Variants in ERC1 observed in about 807,000 individuals in gnomAD.
The protein encoded by ERC1 is RAB6 interacting protein 2.
A neutral mutation model predicts 132.0 loss-of-function variants in ERC1; 56 were observed. The observed-to-expected ratio is 0.42, with a 90% CI of 0.34 to 0.53. The LOEUF is 0.53. Ranked by LOEUF, ERC1 falls within the 20% of genes least tolerant of loss-of-function variation. ERC1 has a pLI of 0.03. For missense variants in ERC1, 1,202 were observed against 1,349.9 expected (o/e 0.89, Z 1.72); for synonymous variants, 478 against 476.1 (o/e 1.00, Z -0.05).
chr12:1,381,348 A>G (rs915108823), intron 16 of ERC1: 1 of 151,786 alleles, frequency 6.6e-6, no homozygotes, highest in East Asian at 1.9e-4. Flanking sequence ...TTATTTTTTT[A>G]TTTACTGATT....
chr12:1,424,479 TC>T (rs1488557040), intron 17 of ERC1, among the ~76,000 whole-genome samples: 1 of 152,178 alleles, frequency 6.6e-6, no homozygotes, highest in Non-Finnish European at 1.5e-5. Flanking sequence ...AGTGGTTTCT[TC>T]ATATCACGAT....
intron 14 of ERC1, among the ~76,000 whole-genome samples, chr12:1,277,650 A>G (rs762822803): frequency 6.6e-6 from 1 of 152,216 alleles, no homozygotes; most frequent in South Asian, 2.1e-4. Flanking sequence ...AGAACTATGT[A>G]GAATCATTCT....
chr12:1,353,123 C>T (rs935840935), intron 15 of ERC1, among the ~76,000 whole-genome samples: 5 of 150,944 alleles, frequency 3.3e-5, no homozygotes, highest in Non-Finnish European at 5.9e-5. Flanking sequence ...CTCCGCCTCC[C>T]GGGTTCACAC....
chr12:1,051,419 G>A (rs944331950), intron 2 of ERC1, among the ~76,000 whole-genome samples: 1 of 151,892 alleles, frequency 6.6e-6, no homozygotes, highest in Non-Finnish European at 1.5e-5. Flanking sequence ...GCTGGGCATG[G>A]TGGCTCATGC....
rs1565838777 is a variant in ERC1, at chr12:1,039,348, A to AAT, written c.669+10777_669+10778insTA. Among the ~76,000 whole-genome samples, 22 of 148,808 alleles carry AAT rather than the reference A, an allele frequency of 1.5e-4. 1 individual carries two copies. In the South Asian group the frequency reaches 4.4e-3, roughly 30 times the overall value. On this transcript the variant is annotated intron_variant, in intron 2 of 18. Transcript: ENST00000360905. ...GCGAGACGTTGTCTCAAAAAAAAAA[A>AAT]AAAATAAAAATAAATAAATAAATAA...
intron 16 of ERC1, among the ~76,000 whole-genome samples, chr12:1,382,299 G>T (rs1215122982): frequency 1.3e-5 from 2 of 152,196 alleles, no homozygotes; most frequent in African/African-American, 4.8e-5. Context: ...GGAGTGAGTG[G>T]TTTAAAGCCA....
At chr12:1,179,867 G>T (rs990241591) in intron 8 of ERC1, among the ~76,000 whole-genome samples, 1 of 152,074 alleles carries the variant, frequency 6.6e-6, no homozygotes, top group East Asian at 1.9e-4. Flanking sequence ...AACGTTTTTT[G>T]AGTAAATGAA....
At chr12:1,182,173 T>A in intron 10 of ERC1, 108 bp downstream of exon 10, 1 of 1,062,848 alleles carries the variant, frequency 9.4e-7, no homozygotes, top group Non-Finnish European at 1.3e-6. Flanking sequence ...AAAATTTTCT[T>A]AATATTCTTT....
At chr12:1,241,136 A>C (rs1381424937) in intron 13 of ERC1, among the ~76,000 whole-genome samples, 4 of 152,188 alleles carry the variant, frequency 2.6e-5, no homozygotes, top group Admixed American at 6.5e-5. Flanking sequence ...AAGATGAACT[A>C]ATTTATAGTA....
At chr12:1,072,187 T>C (rs1191148591) in intron 2 of ERC1, among the ~76,000 whole-genome samples, 3 of 152,056 alleles carry the variant, frequency 2.0e-5, no homozygotes, top group African/African-American at 4.8e-5. Context: ...ATTGCAAATA[T>C]AACTTGGTGT....
intron 7 of ERC1, among the ~76,000 whole-genome samples, chr12:1,128,381 G>A (rs147347028): frequency 4.6e-5 from 7 of 152,210 alleles, no homozygotes; most frequent in African/African-American, 1.7e-4. Context: ...GTAGCACTAG[G>A]TTTTTAATTT....
At chr12:1,478,168 G>A (rs538774750) in intron 18 of ERC1, among the ~76,000 whole-genome samples, 2 of 152,322 alleles carry the variant, frequency 1.3e-5, no homozygotes, top group South Asian at 4.2e-4. Context: ...CTCCCACCGG[G>A]AGTGTAGGAG....
chr12:1,361,104 A>C (rs890563260), intron 15 of ERC1, among the ~76,000 whole-genome samples: 3 of 151,452 alleles, frequency 2.0e-5, no homozygotes, highest in Non-Finnish European at 4.4e-5. Flanking sequence ...GTCTCAAAAA[A>C]AAAAAAAAAA....
chr12:1,126,140 T>C (rs1948136625), intron 7 of ERC1, among the ~76,000 whole-genome samples: 1 of 152,226 alleles, frequency 6.6e-6, no homozygotes, highest in Admixed American at 6.5e-5. Context: ...CTGTATATCT[T>C]ACCTCTATTA....
At chr12:1,196,183 G>T (rs1394364055) in intron 12 of ERC1, among the ~76,000 whole-genome samples, 1 of 152,014 alleles carries the variant, frequency 6.6e-6, no homozygotes, top group Non-Finnish European at 1.5e-5. Context: ...TTTCAAATCA[G>T]CCCACTCAGG....
intron 12 of ERC1, among the ~76,000 whole-genome samples, chr12:1,221,731 T>C (rs1456396070): frequency 1.3e-5 from 2 of 152,230 alleles, no homozygotes; most frequent in Non-Finnish European, 2.9e-5. Flanking sequence ...TGGGCAGGTA[T>C]TTTTTAAAGC....
intron 8 of ERC1, among the ~76,000 whole-genome samples, chr12:1,179,086 T>C (rs1954067871): frequency 6.6e-6 from 1 of 152,230 alleles, no homozygotes; most frequent in African/African-American, 2.4e-5. Context: ...ATAATTTTTA[T>C]TGTACTTGAG....
chr12:1,263,414 C>A (rs1035403137), intron 14 of ERC1, among the ~76,000 whole-genome samples: 2 of 152,126 alleles, frequency 1.3e-5, no homozygotes, highest in African/African-American at 4.8e-5. Context: ...GAACATTTTG[C>A]AGAATGAGTG....
At chr12:1,053,353 T>C (rs956934814) in intron 2 of ERC1, among the ~76,000 whole-genome samples, 4 of 152,232 alleles carry the variant, frequency 2.6e-5, no homozygotes, top group Non-Finnish European at 5.9e-5. Context: ...AAATATGTGC[T>C]TCATTCAGGA....
Sources: gnomAD v4.1 joint callset for allele counts (sites outside exome capture counted in the v4.1 genomes callset) on GRCh38, gnomAD v4.1.1 for gene constraint, MANE v1.5 for transcripts, NCBI Gene and HGNC (gene_info 2026-07-23, HGNC 2026-07-21) for gene names.